The following PRDM5 variants were observed in gnomAD, a reference collection of about 807,000 sequenced individuals.
The protein encoded by PRDM5 is PR/SET domain 5.
A neutral mutation model predicts 81.2 loss-of-function variants in PRDM5; 56 were observed. That is an observed-to-expected ratio of 0.69 (90% CI 0.56 to 0.86). The LOEUF (loss-of-function observed/expected upper bound fraction) is 0.86, where lower values mean the gene tolerates loss of function less well. Ranked by LOEUF, PRDM5 falls within the 40% of genes least tolerant of loss-of-function variation. PRDM5 has a pLI of 0.00. For synonymous variants in PRDM5, 267 were observed against 256.4 expected (o/e 1.04, Z -0.39); for missense variants, 697 against 770.1 (o/e 0.91, Z 1.12).
At chr4:120,882,554 A>G (rs1266711321) in intron 2 of PRDM5, among the ~76,000 whole-genome samples, 2 of 152,142 alleles carry the variant, frequency 1.3e-5, no homozygotes, top group Non-Finnish European at 2.9e-5. Context: ...TTTTTGCCAC[A>G]TTTGCATTTT....
chr4:120,907,086 G>A (rs557336579), intron 2 of PRDM5, among the ~76,000 whole-genome samples: 2 of 149,984 alleles, frequency 1.3e-5, no homozygotes, highest in African/African-American at 4.9e-5. Flanking sequence ...TGTAATCATA[G>A]CACTCTGGGA....
intron 2 of PRDM5, among the ~76,000 whole-genome samples, chr4:120,887,800 T>C (rs1291361680): frequency 1.0e-5 from 1 of 96,818 alleles, no homozygotes; most frequent in African/African-American, 6.3e-5. Flanking sequence ...TTTTTTTTTT[T>C]TTTTTTTTTT....
At chr4:120,916,789 T>C (rs779996845) in intron 1 of PRDM5, among the ~76,000 whole-genome samples, 18 of 152,218 alleles carry the variant, frequency 1.2e-4, no homozygotes, top group Non-Finnish European at 2.5e-4. Context: ...ATCCGTGGAA[T>C]CATCCTGAAT....
chr4:120,793,452 T>C (rs115896765), intron 10 of PRDM5, among the ~76,000 whole-genome samples: 2,052 of 152,260 alleles, frequency 0.013, 48 homozygotes, highest in African/African-American at 0.046. Flanking sequence ...ATAAATATGA[T>C]GCACTTGAAT....
chr4:120,726,520 T>C (rs1236618682), intron 14 of PRDM5, among the ~76,000 whole-genome samples: 2 of 152,232 alleles, frequency 1.3e-5, no homozygotes, highest in Non-Finnish European at 2.9e-5. Flanking sequence ...CTCTCTCCTT[T>C]TACAATTGCA....
Position 120,695,059 on chromosome 4 carries a change from G to C in PRDM5, c.*52C>G, listed in dbSNP as rs982488583. On this transcript the variant is annotated 3_prime_UTR_variant, in exon 16 of 16. Coordinates refer to ENST00000264808, the MANE Select transcript of PRDM5 (RefSeq NM_018699.4). ...TATGCTGATCAGGTGATAAAAATCT[G>C]GGATTCATATTAGGAGCCCTTCTGA... 3.2e-6 allele frequency: 5 copies of C among 1,566,500 alleles called. No homozygotes were observed. In the African/African-American group the frequency reaches 5.4e-5, roughly 17 times the overall value.
At chr4:120,761,294 T>C (rs1745569400) in intron 13 of PRDM5, among the ~76,000 whole-genome samples, 1 of 152,172 alleles carries the variant, frequency 6.6e-6, no homozygotes, top group Non-Finnish European at 1.5e-5. Flanking sequence ...AACACCTTAC[T>C]TGACTTGAGC....
intron 3 of PRDM5, among the ~76,000 whole-genome samples, chr4:120,830,962 T>C (rs1027746477): frequency 6.6e-6 from 1 of 152,122 alleles, no homozygotes; most frequent in Admixed American, 6.5e-5. Flanking sequence ...AACCATCTCA[T>C]GACACAAATC....
chr4:120,774,058 C>T (rs1465583645), intron 13 of PRDM5, among the ~76,000 whole-genome samples: 1 of 152,142 alleles, frequency 6.6e-6, no homozygotes, highest in Non-Finnish European at 1.5e-5. Context: ...GCTTTAATTT[C>T]TAATATGGCA....
rs563095793 is a variant in PRDM5 at position 120,714,190 on chromosome 4, T to C, written c.1624-3777A>G. 1.6e-4 allele frequency among the ~76,000 whole-genome samples: 24 copies of C among 152,344 alleles called. No homozygotes were observed. The East Asian group carries it at 3.5e-3, about 22-fold the overall frequency. On this transcript the variant is annotated intron_variant, in intron 14 of 15. Coordinates refer to ENST00000264808, the MANE Select transcript of PRDM5 (RefSeq NM_018699.4). ...TTTCTTTACTTTTCAGGCTTTTTTA[T>C]GTATCTGATTTTCCAAGGATCTGTT... is the stretch of plus-strand genomic sequence containing the variant.
intron 11 of PRDM5, among the ~76,000 whole-genome samples, chr4:120,784,326 A>G (rs1358823657): frequency 6.6e-6 from 1 of 152,162 alleles, no homozygotes; most frequent in Non-Finnish European, 1.5e-5. Flanking sequence ...GTGACTGCAA[A>G]AAGAAGAAAT....
At chr4:120,894,202 G>A (rs988226793) in intron 2 of PRDM5, among the ~76,000 whole-genome samples, 5 of 151,960 alleles carry the variant, frequency 3.3e-5, no homozygotes, top group African/African-American at 1.2e-4. Flanking sequence ...ATTTTAGTTA[G>A]ATAATCTAGT....
chr4:120,790,123 C>T (rs1750356532), intron 10 of PRDM5, among the ~76,000 whole-genome samples: 1 of 152,204 alleles, frequency 6.6e-6, no homozygotes, highest in South Asian at 2.1e-4. Flanking sequence ...ACTCATGTCT[C>T]TAATTAAGGA....
intron 1 of PRDM5, among the ~76,000 whole-genome samples, chr4:120,909,525 A>G (rs1163532672): frequency 1.3e-5 from 2 of 152,224 alleles, no homozygotes; most frequent in Admixed American, 6.5e-5. Context: ...GCCTTTATCA[A>G]CTATTACAGA....
chr4:120,901,044 G>A (rs1765172413), intron 2 of PRDM5, among the ~76,000 whole-genome samples: 1 of 152,114 alleles, frequency 6.6e-6, no homozygotes, highest in Non-Finnish European at 1.5e-5. Context: ...ACGAGTGATA[G>A]ATTATGTACA....
intron 14 of PRDM5, among the ~76,000 whole-genome samples, chr4:120,739,125 T>C (rs1168696059): frequency 6.6e-6 from 1 of 152,180 alleles, no homozygotes; most frequent in Non-Finnish European, 1.5e-5. Flanking sequence ...CCTCTCCACA[T>C]TACTTGAGGT....
intron 2 of PRDM5, among the ~76,000 whole-genome samples, chr4:120,885,155 A>G (rs1447235886): frequency 2.8e-5 from 4 of 142,624 alleles, no homozygotes; most frequent in Admixed American, 2.7e-4. Flanking sequence ...AAAAAAAAAA[A>G]AGTAAAAAAG....
At chr4:120,743,304 G>A (rs1367252246) in intron 14 of PRDM5, among the ~76,000 whole-genome samples, 10 of 150,838 alleles carry the variant, frequency 6.6e-5, no homozygotes, top group Admixed American at 2.0e-4. Flanking sequence ...AGGAACAACC[G>A]GTACCAGCCG....
chr4:120,908,219 A>G (rs899073051), intron 1 of PRDM5, among the ~76,000 whole-genome samples: 2 of 152,232 alleles, frequency 1.3e-5, no homozygotes, highest in African/African-American at 2.4e-5. Context: ...CGGGACTTTT[A>G]AGGACATGTT....
Sources: gnomAD v4.1 joint callset for allele counts (sites outside exome capture counted in the v4.1 genomes callset) on GRCh38, gnomAD v4.1.1 for gene constraint, MANE v1.5 for transcripts, NCBI Gene and HGNC (gene_info 2026-07-23, HGNC 2026-07-21) for gene names.